GNB4: variants seen among roughly 807,000 people sequenced by gnomAD.
GNB4 encodes G protein subunit beta 4, also known as guanine nucleotide-binding protein subunit beta-4.
In GNB4, 28 loss-of-function variants were observed where a neutral mutation model predicts 45.2. The observed-to-expected ratio is 0.62, with a 90% CI of 0.46 to 0.85. The LOEUF is 0.85. Ranked by LOEUF, GNB4 falls within the 40% of genes least tolerant of loss-of-function variation. The pLI is 0.00. For synonymous variants in GNB4, 132 were observed against 143.7 expected, an observed-to-expected ratio of 0.92 and a Z score of 0.58; for missense variants, 321 against 425.4, an observed-to-expected ratio of 0.75 and a Z score of 2.16.
the GNB4 span, among the ~76,000 whole-genome samples, chr3:179,490,423 G>T: frequency 1.3e-5 from 2 of 152,310 alleles, no homozygotes; most frequent in East Asian, 3.9e-4. Context: ...ACGTAGGTAG[G>T]TAGATCGATA....
the GNB4 span, among the ~76,000 whole-genome samples, chr3:179,468,469 C>T: frequency 2.7e-5 from 4 of 150,446 alleles, no homozygotes; most frequent in African/African-American, 4.9e-5. Context: ...CACTCCAGAC[C>T]GGGCAAGAAG....
In GNB4 at chr3:179,424,290, G is replaced by A. The variant is rs75288025; in HGVS notation, c.57+1854C>T. On this transcript the variant is annotated intron_variant, in intron 2 of 9. Coordinates refer to ENST00000232564, the MANE Select transcript of GNB4 (RefSeq NM_021629.4). ...CAGCTGCTCCTGCTCAGCATCTGGA[G>A]TAAGTGACACAAAGTAGAGAGGGCA... is the stretch of plus-strand genomic sequence containing the variant. 8.4e-3 allele frequency among the ~76,000 whole-genome samples: 1,274 copies of A among 152,350 alleles called. 24 individuals carry two copies. The highest frequency in any genetic ancestry group is 0.029 in the African/African-American group (1,219 of 41,578).
the GNB4 span, among the ~76,000 whole-genome samples, chr3:179,481,967 A>G: frequency 1.3e-5 from 2 of 152,150 alleles, no homozygotes; most frequent in South Asian, 4.1e-4. Flanking sequence ...CAGTGACACA[A>G]TCACAGCTCA....
At chr3:179,443,420 T>C (rs1715642844) in intron 1 of GNB4, among the ~76,000 whole-genome samples, 1 of 152,122 alleles carries the variant, frequency 6.6e-6, no homozygotes, top group African/African-American at 2.4e-5. Context: ...ATGCCTGTAA[T>C]GCCAGCTACT....
At chr3:179,518,032 CCTTCT>C in the GNB4 span, among the ~76,000 whole-genome samples, 1 of 152,090 alleles carries the variant, frequency 6.6e-6, no homozygotes, top group Non-Finnish European at 1.5e-5. Context: ...ACCCCCCATC[CCTTCT>C]CTTCATGTCT....
At chr3:179,473,418 A>T in the GNB4 span, among the ~76,000 whole-genome samples, 1 of 151,884 alleles carries the variant, frequency 6.6e-6, no homozygotes, top group Non-Finnish European at 1.5e-5. Flanking sequence ...GAATTATTTC[A>T]TTTATTTTAT....
chr3:179,491,021 A>C, the GNB4 span, among the ~76,000 whole-genome samples: 1 of 152,210 alleles, frequency 6.6e-6, no homozygotes, highest in Admixed American at 6.5e-5. Context: ...ATGGATGCCA[A>C]CAACAGAATA....
the GNB4 span, among the ~76,000 whole-genome samples, chr3:179,520,681 G>A: frequency 7.2e-5 from 11 of 152,106 alleles, no homozygotes; most frequent in Admixed American, 1.3e-4. Flanking sequence ...GTCTCCCACA[G>A]TTACCATTGT....
At chr3:179,517,238 C>T in the GNB4 span, among the ~76,000 whole-genome samples, 1 of 152,160 alleles carries the variant, frequency 6.6e-6, no homozygotes. Flanking sequence ...CTTCTCCTGG[C>T]TCATCCTGGC....
At chr3:179,462,977 CAA>C in the GNB4 span, among the ~76,000 whole-genome samples, 2 of 151,940 alleles carry the variant, frequency 1.3e-5, no homozygotes, top group Admixed American at 6.6e-5. Context: ...AGGGAGTAAA[CAA>C]GAGCTAATGA....
At chr3:179,468,510 AC>A in the GNB4 span, among the ~76,000 whole-genome samples, 8 of 146,624 alleles carry the variant, frequency 5.5e-5, no homozygotes, top group African/African-American at 1.3e-4. Context: ...AAAAAAAAAA[AC>A]AAAAAACAAA....
chr3:179,406,520 T>C (rs981781047), intron 8 of GNB4, among the ~76,000 whole-genome samples: 3 of 152,176 alleles, frequency 2.0e-5, no homozygotes, highest in African/African-American at 7.2e-5. Context: ...TTTTTAATCT[T>C]TTATATCTAG....
chr3:179,409,062 T>G (rs142054233), intron 8 of GNB4, among the ~76,000 whole-genome samples: 2,222 of 149,060 alleles, frequency 0.015, 67 homozygotes, highest in African/African-American at 0.052. Flanking sequence ...CCCAGGGAAG[T>G]CGAGGCTGCA....
chr3:179,417,589 T>C (rs1296995321), intron 4 of GNB4, among the ~76,000 whole-genome samples: 1 of 152,018 alleles, frequency 6.6e-6, no homozygotes, highest in Non-Finnish European at 1.5e-5. Flanking sequence ...GATCTCAACA[T>C]GTTGGTCAGG....
the GNB4 span, among the ~76,000 whole-genome samples, chr3:179,497,749 A>C: frequency 6.6e-6 from 1 of 152,206 alleles, no homozygotes; most frequent in African/African-American, 2.4e-5. Flanking sequence ...CTGAATGGAC[A>C]TTTTTCCAAA....
chr3:179,457,394 T>C, the GNB4 span, among the ~76,000 whole-genome samples: 1 of 152,236 alleles, frequency 6.6e-6, no homozygotes, highest in African/African-American at 2.4e-5. Context: ...TGTATAATTA[T>C]GCTCATTTTG....
chr3:179,509,996 ATTTTAT>A, the GNB4 span, among the ~76,000 whole-genome samples: 9 of 151,814 alleles, frequency 5.9e-5, no homozygotes, highest in African/African-American at 2.2e-4. Flanking sequence ...GCTAATTTTT[ATTTTAT>A]TTTATTTTTT....
At chr3:179,473,153 ACT>A in the GNB4 span, among the ~76,000 whole-genome samples, 11,491 of 152,106 alleles carry the variant, frequency 0.076, 672 homozygotes, top group Middle Eastern at 0.21. Flanking sequence ...ACAGAGTGAG[ACT>A]CTGTCTCAAA....
the GNB4 span, among the ~76,000 whole-genome samples, chr3:179,520,614 C>T: frequency 6.6e-6 from 1 of 152,196 alleles, no homozygotes; most frequent in African/African-American, 2.4e-5. Context: ...CTTCCTCCCA[C>T]CTGACGCATA....
Sources: allele counts gnomAD v4.1 joint callset (sites outside exome capture counted in the v4.1 genomes callset), GRCh38; gene constraint gnomAD v4.1.1; transcripts MANE v1.5; gene names NCBI Gene and HGNC (gene_info 2026-07-23, HGNC 2026-07-21).